DOCK3: variants seen among roughly 807,000 people sequenced by gnomAD.
The protein encoded by DOCK3 is dedicator of cytokinesis protein 3.
DOCK3 carries 60 observed loss-of-function variants against 265.6 expected under a neutral mutation model. The observed-to-expected ratio is 0.23, with a 90% CI of 0.18 to 0.28. The LOEUF is 0.28. Ranked by LOEUF, DOCK3 falls within the 10% of genes least tolerant of loss-of-function variation. DOCK3 has a pLI of 1.00. For synonymous variants in DOCK3, 881 were observed against 938.0 expected (o/e 0.94, Z 1.11); for missense variants, 1,981 against 2,594.3 (o/e 0.76, Z 5.14).
intron 9 of DOCK3, among the ~76,000 whole-genome samples, chr3:51,097,968 T>G (rs1247374069): frequency 6.6e-6 from 1 of 152,194 alleles, no homozygotes; most frequent in African/African-American, 2.4e-5. Context: ...CCCAATGAGA[T>G]GAGCTGGGTA....
intron 4 of DOCK3, among the ~76,000 whole-genome samples, chr3:50,917,270 G>A (rs1265156736): frequency 6.6e-6 from 1 of 152,068 alleles, no homozygotes; most frequent in Non-Finnish European, 1.5e-5. Context: ...TTAAAGGTTT[G>A]ATAAAACTTG....
intron 3 of DOCK3, among the ~76,000 whole-genome samples, chr3:50,847,210 G>C (rs1055338451): frequency 3.3e-5 from 5 of 151,900 alleles, no homozygotes; most frequent in African/African-American, 7.3e-5. Context: ...TTTGATTTCT[G>C]CCTTAATTTT....
intron 2 of DOCK3, among the ~76,000 whole-genome samples, chr3:50,799,407 T>A (rs2042957500): frequency 6.6e-6 from 1 of 152,202 alleles, no homozygotes; most frequent in Non-Finnish European, 1.5e-5. Flanking sequence ...TGTTTTGTAG[T>A]TTTCCTTGTA....
At chr3:50,976,260 G>C (rs1440276744) in intron 5 of DOCK3, among the ~76,000 whole-genome samples, 4 of 109,194 alleles carry the variant, frequency 3.7e-5, no homozygotes, top group African/African-American at 9.8e-5. Context: ...GATCTTTCCT[G>C]CTTTCTCTTG....
At chr3:51,058,983 A>G (rs936788027) in intron 5 of DOCK3, among the ~76,000 whole-genome samples, 1 of 152,210 alleles carries the variant, frequency 6.6e-6, no homozygotes, top group African/African-American at 2.4e-5. Flanking sequence ...TTACATGGGT[A>G]TGTTGCATGA....
At chr3:51,164,856 A>AT in intron 12 of DOCK3, among the ~76,000 whole-genome samples, 1 of 150,934 alleles carries the variant, frequency 6.6e-6, no homozygotes, top group East Asian at 2.0e-4. Flanking sequence ...CTATTCAGGC[A>AT]TTTTTTGAGA....
chr3:50,985,891 G>A (rs2077882726), intron 5 of DOCK3, among the ~76,000 whole-genome samples: 1 of 151,792 alleles, frequency 6.6e-6, no homozygotes, highest in Non-Finnish European at 1.5e-5. Flanking sequence ...CTGTACGACA[G>A]CCATGTGACC....
At chr3:51,375,887 C>T in intron 51 of DOCK3, 52 bp downstream of exon 51, 1 of 1,593,816 alleles carries the variant, frequency 6.3e-7, no homozygotes, top group Non-Finnish European at 8.6e-7. Flanking sequence ...TCCTGAGTGT[C>T]TGACTCTTGT....
chr3:51,255,794 G>C (rs1454479382), intron 22 of DOCK3, among the ~76,000 whole-genome samples: 1 of 152,126 alleles, frequency 6.6e-6, no homozygotes, highest in Non-Finnish European at 1.5e-5. Flanking sequence ...TAGCTTCTTT[G>C]CAATGGGTTC....
At position 51,085,204 on chromosome 3, in the gene DOCK3, A is replaced by G. The variant is rs373898609; in HGVS notation, c.550-4039A>G. ...AAATACTATCAGAGCAAAAGAGTTC[A>G]ACAGACCCCAATGCATTAATAGTTG... On this transcript the variant is annotated intron_variant, in intron 7 of 52. Coordinates refer to ENST00000266037, the MANE Select transcript of DOCK3 (RefSeq NM_004947.5). Among the ~76,000 whole-genome samples, 10 of 152,358 alleles carry G rather than the reference A, an allele frequency of 6.6e-5. No homozygotes were observed. The East Asian group carries it at 1.9e-3, about 29-fold the overall frequency.
At chr3:51,245,770 G>C (rs1323885993) in intron 21 of DOCK3, among the ~76,000 whole-genome samples, 1 of 152,160 alleles carries the variant, frequency 6.6e-6, no homozygotes, top group Non-Finnish European at 1.5e-5. Flanking sequence ...AGGCTGTGGA[G>C]TCACTGAAAC....
intron 32 of DOCK3, among the ~76,000 whole-genome samples, chr3:51,320,870 C>G (rs1325956131): frequency 6.6e-6 from 1 of 152,214 alleles, no homozygotes; most frequent in Non-Finnish European, 1.5e-5. Context: ...GGACAGAGCA[C>G]CTGGGGGAAG....
chr3:50,912,619 A>C (rs916915725), intron 4 of DOCK3, among the ~76,000 whole-genome samples: 3 of 152,028 alleles, frequency 2.0e-5, no homozygotes, highest in African/African-American at 7.3e-5. Context: ...TTGGTGTTCT[A>C]TTGTGCTATG....
At chr3:50,734,174 T>G (rs1305384013) in intron 1 of DOCK3, among the ~76,000 whole-genome samples, 1 of 152,210 alleles carries the variant, frequency 6.6e-6, no homozygotes, top group Non-Finnish European at 1.5e-5. Flanking sequence ...AAGCAACATG[T>G]TACACACAAC....
In DOCK3 at chr3:51,351,326, C is replaced by T. The variant is rs148754627; in HGVS notation, c.4107+934C>T. Among the ~76,000 whole-genome samples, 1,470 of 152,308 alleles carry T rather than the reference C, an allele frequency of 9.7e-3. 15 individuals are homozygous for T. The highest frequency in any genetic ancestry group is 0.017 in the Non-Finnish European group (1,135 of 68,022). ...AATTCCCTTTGATATGTTTGGGATC[C>T]TGTCTTCTTGGAGAAATTGGGTTAG... On this transcript the variant is annotated intron_variant, in intron 40 of 52. Transcript: ENST00000266037.
intron 14 of DOCK3, among the ~76,000 whole-genome samples, chr3:51,222,340 G>C (rs2090137218): frequency 6.6e-6 from 1 of 152,206 alleles, no homozygotes; most frequent in South Asian, 2.1e-4. Context: ...AGGGACAGCT[G>C]AAGAGTGGGG....
chr3:50,826,648 C>G (rs762218661), intron 2 of DOCK3, among the ~76,000 whole-genome samples: 1 of 152,108 alleles, frequency 6.6e-6, no homozygotes, highest in Admixed American at 6.6e-5. Context: ...GAAAGATTAC[C>G]ATTAATATCC....
chr3:51,356,269 G>C lies in DOCK3; in HGVS notation c.4416+14G>C. The C allele has an allele frequency of 6.8e-7, 1 of 1,467,396 alleles. No homozygotes were observed. The highest frequency in any genetic ancestry group is 9.0e-7 in the Non-Finnish European group (1 of 1,115,816). 90.9% of individuals were successfully genotyped at this position (1,467,396 alleles called of 1,614,324 possible). A position where few individuals can be genotyped will look rare whatever the true frequency, so the allele number is the denominator to read the frequency against. ...AATGAATTCAAGGTGAACAAATCTA[G>C]GAAAACGGGCAGTACACACAGCAAG... On this transcript the variant is annotated intron_variant, in intron 42 of 52. Transcript: ENST00000266037.
At chr3:50,883,207 G>C (rs968604973) in intron 3 of DOCK3, among the ~76,000 whole-genome samples, 5 of 151,778 alleles carry the variant, frequency 3.3e-5, no homozygotes, top group African/African-American at 4.8e-5. Context: ...CATGGCACAT[G>C]TATACATATG....
Sources: gnomAD v4.1 joint callset for allele counts (sites outside exome capture counted in the v4.1 genomes callset) on GRCh38, gnomAD v4.1.1 for gene constraint, MANE v1.5 for transcripts, NCBI Gene and HGNC (gene_info 2026-07-23, HGNC 2026-07-21) for gene names.